SNTG1: variants seen among roughly 807,000 people sequenced by gnomAD.
SNTG1 encodes the protein syntrophin gamma 1.
SNTG1 carries 39 observed loss-of-function variants against 74.7 expected under a neutral mutation model. The ratio of observed to expected loss-of-function variants is 0.52; its 90% confidence interval spans 0.40 to 0.68. The LOEUF (loss-of-function observed/expected upper bound fraction) is 0.68. Among genes scored for constraint, SNTG1 ranks in the 30% least tolerant of loss-of-function variants. The probability of loss-of-function intolerance (pLI) is 0.00; values close to 1 mark genes in which losing one functional copy is unlikely to be tolerated. For synonymous variants in SNTG1, 254 were observed against 217.1 expected (o/e 1.17, Z -1.49); for missense variants, 685 against 609.5 (o/e 1.12, Z -1.30).
At chr8:50,781,481 T>A (rs1467234772) in intron 18 of SNTG1, among the ~76,000 whole-genome samples, 1 of 134,426 alleles carries the variant, frequency 7.4e-6, no homozygotes, top group Non-Finnish European at 1.6e-5. Flanking sequence ...TCTCTTTTGA[T>A]CTTTGTTGGT....
intron 1 of SNTG1, among the ~76,000 whole-genome samples, chr8:50,006,171 C>T (rs1815215136): frequency 6.6e-6 from 1 of 151,948 alleles, no homozygotes; most frequent in African/African-American, 2.4e-5. Flanking sequence ...TCGTGTTGGC[C>T]AGGATGGTCT....
At chr8:50,285,741 G>GAAAACTTTTTCTCC (rs1379416588) in intron 2 of SNTG1, among the ~76,000 whole-genome samples, 3 of 146,936 alleles carry the variant, frequency 2.0e-5, no homozygotes, top group Admixed American at 1.4e-4. Context: ...TTCTCCAATG[G>GAAAACTTTTTCTCC]AATTTACAAA....
intron 1 of SNTG1, among the ~76,000 whole-genome samples, chr8:50,028,853 A>G (rs1817506608): frequency 6.6e-6 from 1 of 152,014 alleles, no homozygotes; most frequent in South Asian, 2.1e-4. Flanking sequence ...TATTGTCTTA[A>G]TTTGTATTTC....
At chr8:50,046,274 T>C (rs938459952) in intron 1 of SNTG1, among the ~76,000 whole-genome samples, 2 of 152,182 alleles carry the variant, frequency 1.3e-5, no homozygotes, top group African/African-American at 4.8e-5. Context: ...CCAAACTAGA[T>C]TGTTTCCAAG....
At chr8:50,366,062 G>A (rs2092100426) in intron 2 of SNTG1, among the ~76,000 whole-genome samples, 1 of 152,070 alleles carries the variant, frequency 6.6e-6, no homozygotes, top group African/African-American at 2.4e-5. Flanking sequence ...GAGTATTTGA[G>A]GAATATAGAA....
chr8:50,607,112 G>A (rs1402133791), intron 13 of SNTG1, among the ~76,000 whole-genome samples: 2 of 151,646 alleles, frequency 1.3e-5, no homozygotes, highest in South Asian at 4.1e-4. Context: ...CTTCAAGATC[G>A]TTTCTAACTT....
chr8:50,413,362 G>A (rs2092974147), intron 4 of SNTG1, among the ~76,000 whole-genome samples: 1 of 152,040 alleles, frequency 6.6e-6, no homozygotes, highest in Admixed American at 6.6e-5. Flanking sequence ...CCTTAAAATG[G>A]TTGACAGTTT....
At chr8:50,315,942 AGACTT>A (rs1291530348) in intron 2 of SNTG1, among the ~76,000 whole-genome samples, 1 of 152,176 alleles carries the variant, frequency 6.6e-6, no homozygotes, top group Admixed American at 6.5e-5. Flanking sequence ...GAATGTGAGA[AGACTT>A]CACTCAAAAA....
chr8:50,301,102 C>T (rs562793580), intron 2 of SNTG1, among the ~76,000 whole-genome samples: 22 of 152,178 alleles, frequency 1.4e-4, no homozygotes, highest in African/African-American at 5.1e-4. Context: ...CCTAGATGTA[C>T]AGGATAATAT....
At chr8:50,262,653 C>T (rs1296330968) in intron 2 of SNTG1, among the ~76,000 whole-genome samples, 1 of 152,128 alleles carries the variant, frequency 6.6e-6, no homozygotes, top group Non-Finnish European at 1.5e-5. Context: ...TTGTGATCCA[C>T]TCGCCTCGGC....
intron 18 of SNTG1, among the ~76,000 whole-genome samples, chr8:50,774,702 TTTAC>T (rs1325986070): frequency 6.6e-6 from 1 of 151,724 alleles, no homozygotes; most frequent in African/African-American, 2.4e-5. Flanking sequence ...TTATTGGTGT[TTTAC>T]TTCTAATTGA....
chr8:50,343,586 G>A (rs2091384207), intron 2 of SNTG1, among the ~76,000 whole-genome samples: 1 of 152,104 alleles, frequency 6.6e-6, no homozygotes, highest in African/African-American at 2.4e-5. Context: ...ATAAAGAAAT[G>A]TAAATAGTGA....
intron 13 of SNTG1, among the ~76,000 whole-genome samples, chr8:50,655,219 A>C (rs2095172580): frequency 6.6e-6 from 1 of 152,194 alleles, no homozygotes; most frequent in Non-Finnish European, 1.5e-5. Context: ...AAGCTATAAT[A>C]TCCTTTTCAT....
chr8:50,074,597 A>T (rs1291547737), intron 1 of SNTG1, among the ~76,000 whole-genome samples: 1 of 152,226 alleles, frequency 6.6e-6, no homozygotes, highest in Non-Finnish European at 1.5e-5. Flanking sequence ...CCCCAAAATA[A>T]TTATTATAGT....
chr8:50,180,905 T>A (rs1266155447), intron 2 of SNTG1, among the ~76,000 whole-genome samples: 1 of 151,914 alleles, frequency 6.6e-6, no homozygotes, highest in Non-Finnish European at 1.5e-5. Context: ...GGCTAACAGA[T>A]GCACGCCACC....
At chr8:50,038,059 T>C (rs1818310103) in intron 1 of SNTG1, among the ~76,000 whole-genome samples, 1 of 152,152 alleles carries the variant, frequency 6.6e-6, no homozygotes, top group Non-Finnish European at 1.5e-5. Context: ...TCCTAAGACT[T>C]CCACCTCAGC....
At chr8:49,975,802 A>T (rs535362680) in intron 1 of SNTG1, among the ~76,000 whole-genome samples, 65 of 151,594 alleles carry the variant, frequency 4.3e-4, no homozygotes, top group African/African-American at 1.5e-3. Context: ...TAAAGGCTCC[A>T]TTCTTGATAT....
chr8:50,036,027 G>C (rs1022451109), intron 1 of SNTG1, among the ~76,000 whole-genome samples: 1 of 152,044 alleles, frequency 6.6e-6, no homozygotes, highest in Non-Finnish European at 1.5e-5. Context: ...AAAAAAAATT[G>C]GTCTCTTTAT....
chr8:50,152,519 T>C (rs1316506220), intron 1 of SNTG1, among the ~76,000 whole-genome samples: 1 of 152,246 alleles, frequency 6.6e-6, no homozygotes, highest in Admixed American at 6.5e-5. Context: ...CTTTACAATT[T>C]GGAATGGTTT....
Sources: allele counts gnomAD v4.1 joint callset (sites outside exome capture counted in the v4.1 genomes callset), GRCh38; gene constraint gnomAD v4.1.1; transcripts MANE v1.5; gene names NCBI Gene and HGNC (gene_info 2026-07-23, HGNC 2026-07-21).